The following APLP2 variants were observed in gnomAD, a reference collection of about 807,000 sequenced individuals.
APLP2 encodes the protein amyloid beta precursor like protein 2.
APLP2 carries 53 observed loss-of-function variants against 89.9 expected under a neutral mutation model. That is an observed-to-expected ratio of 0.59 (90% CI 0.47 to 0.74). APLP2 has a LOEUF of 0.74. Among genes scored for constraint, APLP2 ranks in the 30% least tolerant of loss-of-function variants. The pLI, the probability that APLP2 is intolerant of heterozygous loss-of-function variation, is 0.00. For synonymous variants in APLP2, 372 were observed against 348.6 expected (o/e 1.07, Z -0.75); for missense variants, 973 against 975.9 (o/e 1.00, Z 0.04).
At position 130,130,063 on chromosome 11, in the gene APLP2, G is replaced by A. The variant is rs749412387; in HGVS notation, c.1481G>A (p.Arg494Gln). ...CCTCATCGCATTCTCCAGGCCTTAC[G>A]GCGTTATGTCCGTGCTGAGAACAAA... ...PRPHRILQAL[R>Q]RYVRAENKDR... Residue 494 changes from arginine to glutamine, a missense_variant, in exon 11 of 17, where the codon CGG becomes CAG. Physicochemically the swap from Arg to Gln is conservative, Grantham distance 43. Transcript: ENST00000338167. The A allele has an allele frequency of 5.0e-6, 8 of 1,614,140 alleles. No homozygotes were observed. Among genetic ancestry groups the A allele is most frequent in the Admixed American group, 1.7e-5 (1 of 60,032 alleles).
intron 1 of APLP2, among the ~76,000 whole-genome samples, chr11:130,097,657 G>A (rs1591791047): frequency 1.3e-5 from 2 of 152,110 alleles, no homozygotes; most frequent in East Asian, 1.9e-4. Context: ...CAGCCTGGGC[G>A]ACAGAGTGAA....
Position 130,144,777 on chromosome 11 carries a change from A to G in APLP2, c.*1329A>G, listed in dbSNP as rs1952777673. The G allele has an allele frequency of 6.6e-6, 1 of 152,482 alleles. No homozygotes were observed. The highest frequency in any genetic ancestry group is 1.5e-5 in the Non-Finnish European group (1 of 68,036). The allele number at this position is 152,482 out of a possible 1,614,324, so 9.4% of individuals were successfully genotyped here. ...GATCTGTGGAGAATGTACACAGTTT[A>G]AACACATCAATAAATACTTTAACTT... On this transcript the variant is annotated 3_prime_UTR_variant, in exon 17 of 17. Transcript: ENST00000338167.
intron 1 of APLP2, among the ~76,000 whole-genome samples, chr11:130,080,099 T>C (rs1475702642): frequency 1.3e-5 from 2 of 152,246 alleles, no homozygotes; most frequent in African/African-American, 4.8e-5. Context: ...TTTGCCTCTT[T>C]GCTAATAAGT....
At chr11:130,086,071 C>T (rs1944062340) in intron 1 of APLP2, among the ~76,000 whole-genome samples, 1 of 152,190 alleles carries the variant, frequency 6.6e-6, no homozygotes, top group Admixed American at 6.5e-5. Flanking sequence ...AGTGAAACTG[C>T]TGGATCATAT....
chr11:130,122,482 G>A lies in APLP2; in HGVS notation c.891G>A (p.Met297Ile). The change falls in exon 6 of 17, where the codon ATG becomes ATA. Residue 297 changes from methionine to isoleucine, a missense_variant. Physicochemically the swap from Met to Ile is conservative, Grantham distance 10. Transcript: ENST00000338167. ...NPTEPGSDGT[M>I]SDKEITHDVK... ...CTGAACCCGGCAGCGACGGCACCATGTCAGACAAGGAAATTACTCATGATG... is the reference window on the plus strand; with the variant it reads ...CTGAACCCGGCAGCGACGGCACCATATCAGACAAGGAAATTACTCATGATG... 2 of 1,614,114 alleles carry A rather than the reference G, an allele frequency of 1.2e-6. No homozygotes were observed. Among genetic ancestry groups the A allele is most frequent in the Non-Finnish European group, 1.7e-6 (2 of 1,179,968 alleles).
rs576713463 is a variant in APLP2, at chr11:130,109,198, TAAATA to T, written c.106-223_106-219del. On this transcript the variant is annotated intron_variant, in intron 1 of 16. Coordinates refer to ENST00000338167, the MANE Select transcript of APLP2 (RefSeq NM_001142276.2). ...ATGTTCCCTAGAACTTAAAATATAA[TAAATA>T]AAATAAATAAAAAAGTTTTTTCCTT... 335 of 302,276 alleles carry T rather than the reference TAAATA, an allele frequency of 1.1e-3. 1 individual carries two copies. The highest frequency in any genetic ancestry group is 3.5e-3 in the African/African-American group (160 of 45,504). 18.7% of individuals were successfully genotyped at this position (302,276 alleles called of 1,614,324 possible).
At chr11:130,095,644 T>C (rs1372851833) in intron 1 of APLP2, among the ~76,000 whole-genome samples, 1 of 152,250 alleles carries the variant, frequency 6.6e-6, no homozygotes, top group Non-Finnish European at 1.5e-5. Context: ...CTGTGTGGCT[T>C]CTCAAACTGT....
At chr11:130,133,429 C>T (rs186689239) in intron 11 of APLP2, among the ~76,000 whole-genome samples, 200 bp from the exon 12 acceptor site, 3 of 152,238 alleles carry the variant, frequency 2.0e-5, no homozygotes, top group Admixed American at 6.5e-5. Flanking sequence ...AGGCTGAACA[C>T]GTTCTTATAC....
intron 1 of APLP2, among the ~76,000 whole-genome samples, chr11:130,100,831 A>C (rs1946811784): frequency 6.6e-6 from 1 of 152,244 alleles, no homozygotes; most frequent in Non-Finnish European, 1.5e-5. Context: ...ATTAGAATTA[A>C]GTTTAAATGT....
intron 1 of APLP2, among the ~76,000 whole-genome samples, chr11:130,088,453 A>G (rs1370897214): frequency 1.3e-5 from 2 of 152,130 alleles, no homozygotes; most frequent in South Asian, 2.1e-4. Context: ...TGAATTAGCA[A>G]TGCGAATCAT....
rs750454323 is a variant in APLP2, at chr11:130,109,621, A to G, written c.279+19A>G. ...TCAGGAGGTAAGAGTGTTGCCAGTA[A>G]GTTGAAAGTGTTATTTTTCTGGGGC... On this transcript the variant is annotated intron_variant, in intron 2 of 16. Transcript: ENST00000338167. The G allele has an allele frequency of 6.3e-7, 1 of 1,596,752 alleles. No individual in the cohort carries two copies. The highest frequency in any genetic ancestry group is 2.3e-5 in the East Asian group (1 of 44,040).
chr11:130,086,239 C>T (rs1330853974), intron 1 of APLP2, among the ~76,000 whole-genome samples: 2 of 152,198 alleles, frequency 1.3e-5, no homozygotes, highest in African/African-American at 4.8e-5. Context: ...TCCTAATGGG[C>T]GTGGAGCGGT....
chr11:130,119,326 A>G (rs1028751145), intron 3 of APLP2, among the ~76,000 whole-genome samples: 15 of 152,198 alleles, frequency 9.9e-5, no homozygotes, highest in Non-Finnish European at 2.1e-4. Context: ...ACGTATGCCC[A>G]GTGTAGATTA....
chr11:130,085,311 G>A (rs1333965185), intron 1 of APLP2, among the ~76,000 whole-genome samples: 3 of 152,186 alleles, frequency 2.0e-5, no homozygotes, highest in Non-Finnish European at 4.4e-5. Flanking sequence ...AATTAGCCAA[G>A]CATGGTGGTA....
At chr11:130,092,108 C>G (rs1243348518) in intron 1 of APLP2, among the ~76,000 whole-genome samples, 3 of 127,120 alleles carry the variant, frequency 2.4e-5, no homozygotes, top group African/African-American at 1.0e-4. Context: ...AGGCGCTCCC[C>G]ACATCTCAGA....
intron 8 of APLP2, 109 bp downstream of exon 8, chr11:130,126,939 A>G: frequency 1.3e-6 from 2 of 1,490,532 alleles, no homozygotes; most frequent in Non-Finnish European, 1.8e-6. Flanking sequence ...GCTGATGTAT[A>G]AGGACTGGTG....
chr11:130,140,209 A>T (rs1643578571), intron 13 of APLP2, among the ~76,000 whole-genome samples, 189 bp from the exon 14 acceptor site: 1 of 152,170 alleles, frequency 6.6e-6, no homozygotes, highest in Non-Finnish European at 1.5e-5. Context: ...GTCTCTGCAA[A>T]TGCCTGTCTC....
intron 14 of APLP2, 26 bp downstream of exon 14, chr11:130,140,509 A>C (rs1444495852): frequency 1.3e-6 from 2 of 1,572,376 alleles, no homozygotes; most frequent in Middle Eastern, 1.7e-4. Flanking sequence ...CTTCTGCCCA[A>C]CACGCTTTAC....
chr11:130,109,073 T>C (rs754726879), intron 1 of APLP2: 1 of 153,064 alleles, frequency 6.5e-6, no homozygotes, highest in Non-Finnish European at 1.5e-5. Context: ...GGGGGAGGGA[T>C]AGCATTAGGA....
Sources: allele counts gnomAD v4.1 joint callset (sites outside exome capture counted in the v4.1 genomes callset), GRCh38; gene constraint gnomAD v4.1.1; transcripts MANE v1.5; gene names NCBI Gene and HGNC (gene_info 2026-07-23, HGNC 2026-07-21).